DLGAP2: variants seen among roughly 807,000 people sequenced by gnomAD.
The protein encoded by DLGAP2 is DLG associated protein 2.
DLGAP2 carries 26 observed loss-of-function variants against 100.3 expected under a neutral mutation model. That is an observed-to-expected ratio of 0.26 (90% CI 0.19 to 0.36). The LOEUF (loss-of-function observed/expected upper bound fraction) is 0.36. Among genes scored for constraint, DLGAP2 ranks in the 10% least tolerant of loss-of-function variants. DLGAP2 has a pLI of 1.00. For missense variants in DLGAP2, 1,858 were observed against 1,453.2 expected, an observed-to-expected ratio of 1.28 and a Z score of -4.53; for synonymous variants, 886 against 630.1, an observed-to-expected ratio of 1.41 and a Z score of -6.08.
intron 2 of DLGAP2, among the ~76,000 whole-genome samples, chr8:1,232,222 C>T (rs541469055): frequency 2.6e-5 from 4 of 152,366 alleles, no homozygotes; most frequent in African/African-American, 7.2e-5. Context: ...CCGGGGTCAT[C>T]AGCCAGCAGA....
chr8:1,666,399 G>A (rs1186145569), intron 8 of DLGAP2, among the ~76,000 whole-genome samples: 1 of 152,180 alleles, frequency 6.6e-6, no homozygotes, highest in Non-Finnish European at 1.5e-5. Context: ...TGGGCTGGAT[G>A]TGGTGGCTCA....
At chr8:1,162,153 C>G (rs562317549) in intron 2 of DLGAP2, among the ~76,000 whole-genome samples, 1 of 152,196 alleles carries the variant, frequency 6.6e-6, no homozygotes, top group Admixed American at 6.5e-5. Flanking sequence ...GAAGCCCTCC[C>G]GGCAGCAGGG....
chr8:1,154,768 C>CT (rs1195152880), intron 2 of DLGAP2, among the ~76,000 whole-genome samples: 1 of 152,146 alleles, frequency 6.6e-6, no homozygotes, highest in Non-Finnish European at 1.5e-5. Flanking sequence ...CGGGCACCCT[C>CT]TATAGTCCTG....
At chr8:1,442,116 G>C (rs1797850594) in intron 3 of DLGAP2, among the ~76,000 whole-genome samples, 1 of 152,274 alleles carries the variant, frequency 6.6e-6, no homozygotes, top group Non-Finnish European at 1.5e-5. Flanking sequence ...CTGGCTAGGA[G>C]ACAGATCCAG....
At chr8:1,244,728 G>C (rs1798868500) in intron 2 of DLGAP2, among the ~76,000 whole-genome samples, 1 of 152,200 alleles carries the variant, frequency 6.6e-6, no homozygotes, top group Non-Finnish European at 1.5e-5. Flanking sequence ...GTTTCTTAGA[G>C]ATGACACCCA....
chr8:1,653,130 C>T (rs1220939713), intron 8 of DLGAP2, among the ~76,000 whole-genome samples: 1 of 152,228 alleles, frequency 6.6e-6, no homozygotes, highest in Non-Finnish European at 1.5e-5. Flanking sequence ...GCTGCCAGGC[C>T]TGGAGATACT....
intron 1 of DLGAP2, among the ~76,000 whole-genome samples, chr8:867,226 TC>T (rs1797515344): frequency 6.6e-6 from 1 of 152,256 alleles, no homozygotes; most frequent in African/African-American, 2.4e-5. Context: ...TGCTGAGTTT[TC>T]TTTGGGTCTT....
intron 3 of DLGAP2, among the ~76,000 whole-genome samples, chr8:1,335,214 G>A (rs1213422875): frequency 2.0e-5 from 3 of 152,170 alleles, no homozygotes; most frequent in Non-Finnish European, 2.9e-5. Flanking sequence ...AGTCTACACC[G>A]AAGCCATCAG....
At chr8:1,591,368 C>T (rs1796285400) in intron 6 of DLGAP2, among the ~76,000 whole-genome samples, 1 of 152,160 alleles carries the variant, frequency 6.6e-6, no homozygotes, top group Admixed American at 6.5e-5. Context: ...AGGCTCTTGA[C>T]TGAGCAAAAA....
chr8:1,198,202 A>T (rs927369183), intron 2 of DLGAP2, among the ~76,000 whole-genome samples: 1 of 151,866 alleles, frequency 6.6e-6, no homozygotes, highest in Non-Finnish European at 1.5e-5. Flanking sequence ...AAAAGGAGCA[A>T]TTTCCTTGAG....
At chr8:1,392,820 T>C (rs1796400869) in intron 3 of DLGAP2, among the ~76,000 whole-genome samples, 1 of 151,178 alleles carries the variant, frequency 6.6e-6, no homozygotes, top group Non-Finnish European at 1.5e-5. Context: ...CATCTGTGAT[T>C]GGACTTTGGC....
intron 3 of DLGAP2, among the ~76,000 whole-genome samples, chr8:1,383,793 C>A (rs917337490): frequency 1.3e-5 from 2 of 152,228 alleles, no homozygotes; most frequent in African/African-American, 4.8e-5. Flanking sequence ...AACTCCTGGT[C>A]AGATGACCAC....
chr8:1,492,180 A>G (rs1011060209), intron 3 of DLGAP2, among the ~76,000 whole-genome samples: 3 of 152,200 alleles, frequency 2.0e-5, no homozygotes, highest in Non-Finnish European at 4.4e-5. Context: ...TAAAATTACG[A>G]TCATTTCTAT....
intron 4 of DLGAP2, among the ~76,000 whole-genome samples, chr8:1,503,957 G>C (rs1307448576): frequency 1.3e-5 from 2 of 152,160 alleles, no homozygotes; most frequent in Non-Finnish European, 1.5e-5. Flanking sequence ...GAAGCAGCCA[G>C]GTGCAGGCAC....
intron 2 of DLGAP2, among the ~76,000 whole-genome samples, chr8:936,408 T>C (rs1362047301): frequency 6.6e-6 from 1 of 152,198 alleles, no homozygotes; most frequent in African/African-American, 2.4e-5. Flanking sequence ...TTGCCTCCCC[T>C]GGGAGATGGC....
At chr8:1,197,022 A>G (rs1005180395) in intron 2 of DLGAP2, among the ~76,000 whole-genome samples, 2 of 152,138 alleles carry the variant, frequency 1.3e-5, no homozygotes, top group African/African-American at 2.4e-5. Context: ...GGGGTGGGCA[A>G]TGTCTGTGGT....
intron 6 of DLGAP2, among the ~76,000 whole-genome samples, chr8:1,574,653 C>T (rs1462492870): frequency 6.6e-6 from 1 of 152,178 alleles, no homozygotes. Flanking sequence ...TCATGTGTTA[C>T]TGCAAATAAA....
chr8:1,438,264 C>G lies in DLGAP2; in HGVS notation c.107-63102C>G, dbSNP rs535269722. ...TTGAAGTCTTTCCCCATCCCAGTTTCCTCCCCCAACCATGTCATGGATATG... is the reference window on the plus strand; with the variant it reads ...TTGAAGTCTTTCCCCATCCCAGTTTGCTCCCCCAACCATGTCATGGATATG... On this transcript the variant is annotated intron_variant, in intron 3 of 14. Transcript: ENST00000637795. Among the ~76,000 whole-genome samples the G allele has an allele frequency of 2.6e-5, 4 of 152,242 alleles. No homozygotes were observed. The South Asian group carries it at 8.3e-4, about 32-fold the overall frequency.
intron 2 of DLGAP2, among the ~76,000 whole-genome samples, chr8:1,210,431 C>G (rs1348375355): frequency 6.6e-6 from 1 of 152,204 alleles, no homozygotes; most frequent in Non-Finnish European, 1.5e-5. Context: ...TAAAGAGTTT[C>G]CATGTTCATT....
Sources: gnomAD v4.1 joint callset for allele counts (sites outside exome capture counted in the v4.1 genomes callset) on GRCh38, gnomAD v4.1.1 for gene constraint, MANE v1.5 for transcripts, NCBI Gene and HGNC (gene_info 2026-07-23, HGNC 2026-07-21) for gene names.